The following XKR6 variants were observed in gnomAD, a reference collection of about 807,000 sequenced individuals.
The protein encoded by XKR6 is XK-related protein 6.
XKR6 carries 22 observed loss-of-function variants against 56.7 expected under a neutral mutation model. That is an observed-to-expected ratio of 0.39 (90% CI 0.28 to 0.55). The LOEUF (loss-of-function observed/expected upper bound fraction) is 0.55, where lower values mean the gene tolerates loss of function less well. XKR6 is among the 20% of genes least tolerant of loss of function. The pLI, the probability that XKR6 is intolerant of heterozygous loss-of-function variation, is 0.66. For missense variants in XKR6, 852 were observed against 889.0 expected (o/e 0.96, Z 0.53); for synonymous variants, 524 against 387.8 (o/e 1.35, Z -4.13).
intron 1 of XKR6, among the ~76,000 whole-genome samples, chr8:11,049,383 C>T (rs1219421709): frequency 6.6e-6 from 1 of 152,142 alleles, no homozygotes; most frequent in Non-Finnish European, 1.5e-5. Flanking sequence ...TTATTTGAGT[C>T]TATTTGTGAA....
chr8:11,044,804 G>C (rs928159592), intron 1 of XKR6, among the ~76,000 whole-genome samples: 7 of 151,980 alleles, frequency 4.6e-5, no homozygotes, highest in African/African-American at 1.7e-4. Context: ...ATTTTTAGTA[G>C]AGACGGGGTT....
intron 1 of XKR6, among the ~76,000 whole-genome samples, chr8:10,933,187 A>C (rs1171501678): frequency 8.2e-6 from 1 of 121,276 alleles, no homozygotes; most frequent in Non-Finnish European, 1.8e-5. Context: ...TGGCTGCATA[A>C]ATGTCTTCTT....
intron 1 of XKR6, among the ~76,000 whole-genome samples, chr8:10,981,449 C>T (rs925152390): frequency 2.0e-5 from 3 of 152,148 alleles, no homozygotes; most frequent in Admixed American, 6.6e-5. Context: ...GTGAGGAGGA[C>T]GAGCTTTGGA....
intron 1 of XKR6, among the ~76,000 whole-genome samples, chr8:11,159,145 G>C (rs1277426417): frequency 6.6e-6 from 1 of 152,210 alleles, no homozygotes; most frequent in Non-Finnish European, 1.5e-5. Flanking sequence ...CCGTTTCAAT[G>C]AGTTAATACA....
chr8:11,031,429 A>T (rs1290919760), intron 1 of XKR6, among the ~76,000 whole-genome samples: 1 of 152,204 alleles, frequency 6.6e-6, no homozygotes. Context: ...CGAGTAAGGC[A>T]CTGGAGGTGC....
At chr8:10,996,149 G>A (rs1798108521) in intron 1 of XKR6, among the ~76,000 whole-genome samples, 1 of 152,212 alleles carries the variant, frequency 6.6e-6, no homozygotes, top group Non-Finnish European at 1.5e-5. Flanking sequence ...ATCATTATCT[G>A]TTACCAACTT....
At chr8:11,170,773 A>C (rs1052456772) in intron 1 of XKR6, among the ~76,000 whole-genome samples, 2 of 152,228 alleles carry the variant, frequency 1.3e-5, no homozygotes, top group African/African-American at 4.8e-5. Context: ...CAAGTACTGA[A>C]GCAAAATCTC....
chr8:11,106,420 G>C (rs1312700764), intron 1 of XKR6: 2 of 152,232 alleles, frequency 1.3e-5, no homozygotes, highest in East Asian at 3.8e-4. Flanking sequence ...GGCACCCTTA[G>C]GTCCATTCCT....
intron 1 of XKR6, among the ~76,000 whole-genome samples, chr8:11,092,348 G>A (rs1196813843): frequency 6.6e-6 from 1 of 152,174 alleles, no homozygotes; most frequent in Non-Finnish European, 1.5e-5. Flanking sequence ...TTACAACCTT[G>A]GAAGCACTAT....
chr8:11,114,997 C>G (rs1586564121), intron 1 of XKR6, among the ~76,000 whole-genome samples: 1 of 152,180 alleles, frequency 6.6e-6, no homozygotes, highest in South Asian at 2.1e-4. Flanking sequence ...AGAACGAGTT[C>G]TAAACCTCAT....
intron 1 of XKR6, among the ~76,000 whole-genome samples, chr8:11,158,174 A>G (rs1208542158): frequency 1.3e-5 from 2 of 152,152 alleles, no homozygotes; most frequent in Non-Finnish European, 2.9e-5. Context: ...GCAATAATCA[A>G]TCGTCAGCCA....
At chr8:10,997,595 G>A (rs1420850965) in intron 1 of XKR6, among the ~76,000 whole-genome samples, 4 of 152,224 alleles carry the variant, frequency 2.6e-5, no homozygotes, top group Non-Finnish European at 5.9e-5. Context: ...CCATTCCAGG[G>A]GAGAGAATGT....
intron 1 of XKR6, among the ~76,000 whole-genome samples, chr8:10,964,619 G>T (rs1802161629): frequency 6.6e-6 from 1 of 152,140 alleles, no homozygotes; most frequent in African/African-American, 2.4e-5. Context: ...GCTGCCCCCT[G>T]AGGTCCTCCC....
At chr8:10,941,205 C>T (rs887088831) in intron 1 of XKR6, among the ~76,000 whole-genome samples, 7 of 152,270 alleles carry the variant, frequency 4.6e-5, no homozygotes, top group East Asian at 3.9e-4. Flanking sequence ...CTCCTCCCAC[C>T]GACACCCTCC....
intron 1 of XKR6, among the ~76,000 whole-genome samples, chr8:11,100,753 A>C (rs1188608968): frequency 6.6e-6 from 1 of 152,254 alleles, no homozygotes; most frequent in Non-Finnish European, 1.5e-5. Context: ...CTAGGAATCA[A>C]AGCAGTTTCT....
chr8:11,034,698 G>C (rs1379193639), intron 1 of XKR6, among the ~76,000 whole-genome samples: 1 of 152,124 alleles, frequency 6.6e-6, no homozygotes. Context: ...GCCCCTGCTG[G>C]GACAGCTGCC....
At chr8:11,188,028 T>C (rs1293935751) in intron 1 of XKR6, among the ~76,000 whole-genome samples, 1 of 151,082 alleles carries the variant, frequency 6.6e-6, no homozygotes, top group Non-Finnish European at 1.5e-5. Flanking sequence ...CTTAATCCTG[T>C]TTTTTTTTCT....
At chr8:11,126,564 C>T (rs895032786) in intron 1 of XKR6, among the ~76,000 whole-genome samples, 5 of 151,996 alleles carry the variant, frequency 3.3e-5, no homozygotes, top group African/African-American at 4.8e-5. Context: ...AGCTTTGCAA[C>T]GCAGGGCCAT....
At chr8:11,161,994 T>C (rs1465001268) in intron 1 of XKR6, among the ~76,000 whole-genome samples, 2 of 152,134 alleles carry the variant, frequency 1.3e-5, no homozygotes, top group African/African-American at 4.8e-5. Flanking sequence ...GGACCTTTTC[T>C]CATCTCGTCC....
Sources: gnomAD v4.1 joint callset for allele counts (sites outside exome capture counted in the v4.1 genomes callset) on GRCh38, gnomAD v4.1.1 for gene constraint, MANE v1.5 for transcripts, NCBI Gene and HGNC (gene_info 2026-07-23, HGNC 2026-07-21) for gene names.